Variants in C12orf42 observed in about 807,000 individuals in gnomAD.
The protein encoded by C12orf42 is chromosome 12 open reading frame 42.
C12orf42 carries 25 observed loss-of-function variants against 21.6 expected under a neutral mutation model. That is an observed-to-expected ratio of 1.16 (90% CI 0.84 to 1.62). C12orf42 has a LOEUF of 1.62. Ranked by LOEUF, C12orf42 falls within the 40% of genes most tolerant of loss-of-function variation. C12orf42 has a pLI of 0.00. For synonymous variants in C12orf42, 174 were observed against 175.0 expected, an observed-to-expected ratio of 0.99 and a Z score of 0.05; for missense variants, 483 against 459.3, an observed-to-expected ratio of 1.05 and a Z score of -0.47.
At chr12:103,374,338 G>C (rs2045513819) in intron 3 of C12orf42, among the ~76,000 whole-genome samples, 1 of 152,142 alleles carries the variant, frequency 6.6e-6, no homozygotes, top group Non-Finnish European at 1.5e-5. Flanking sequence ...GCTTGGATTG[G>C]AGTTCAGAAC....
rs577185008 is a variant in C12orf42, at chr12:103,284,511, G to A, written n.338-7301C>T. Among the ~76,000 whole-genome samples, 4 of 152,258 alleles carry A rather than the reference G, an allele frequency of 2.6e-5. No individual in the cohort carries two copies. The East Asian group carries it at 7.7e-4, about 29-fold the overall frequency. Reference sequence around the variant, plus strand: ...AAGTCATCATCAGAGAGTCACTAGGGCCTAGCAATACCCAGACCACAAGAT... The same window carrying A: ...AAGTCATCATCAGAGAGTCACTAGGACCTAGCAATACCCAGACCACAAGAT... On this transcript the variant is annotated intron_variant and non_coding_transcript_variant, in intron 4 of 6. Coordinates refer to the C12orf42 transcript ENST00000546526.
At chr12:103,154,977 T>A in the C12orf42 span, among the ~76,000 whole-genome samples, 3 of 152,162 alleles carry the variant, frequency 2.0e-5, no homozygotes, top group Non-Finnish European at 4.4e-5. Context: ...CTTAGTCCTG[T>A]GTATTATCAG....
intron 3 of C12orf42, among the ~76,000 whole-genome samples, chr12:103,370,310 A>C (rs1479525587): frequency 3.3e-5 from 5 of 152,198 alleles, no homozygotes; most frequent in Admixed American, 6.6e-5. Flanking sequence ...TGTGGAAAGC[A>C]GTATGGCACT....
At chr12:103,424,824 C>T (rs1167169408) in intron 2 of C12orf42, among the ~76,000 whole-genome samples, 1 of 152,144 alleles carries the variant, frequency 6.6e-6, no homozygotes, top group Non-Finnish European at 1.5e-5. Flanking sequence ...GCCTGGAACA[C>T]CAGCGAGACA....
the C12orf42 span, among the ~76,000 whole-genome samples, chr12:103,191,269 T>C: frequency 6.6e-6 from 1 of 151,488 alleles, no homozygotes; most frequent in Non-Finnish European, 1.5e-5. Flanking sequence ...ATACAGTTTT[T>C]CAAATTGAAA....
At chr12:103,498,724 C>T (rs1955637774), upstream of C12orf42, among the ~76,000 whole-genome samples, 1 of 152,112 alleles carries the variant, frequency 6.6e-6, no homozygotes, top group South Asian at 2.1e-4. Flanking sequence ...TTTGCAGGTA[C>T]ATGGATGGAG....
intron 2 of C12orf42, 63 bp from the exon 3 acceptor site, chr12:103,401,738 A>G: frequency 1.3e-6 from 2 of 1,483,656 alleles, no homozygotes; most frequent in South Asian, 2.3e-5. Flanking sequence ...AAACATTTCC[A>G]TTCCTGAGAT....
At chr12:103,362,592 G>T (rs775535268) in intron 4 of C12orf42, among the ~76,000 whole-genome samples, 17 of 151,940 alleles carry the variant, frequency 1.1e-4, no homozygotes, top group Non-Finnish European at 1.9e-4. Flanking sequence ...TAAGGAAATT[G>T]AAAACATGAT....
At chr12:103,048,055 G>T in the C12orf42 span, among the ~76,000 whole-genome samples, 4 of 152,066 alleles carry the variant, frequency 2.6e-5, no homozygotes, top group African/African-American at 9.7e-5. Flanking sequence ...AATAACTAGG[G>T]CAATTTTTAC....
chr12:103,233,728 A>G (rs996439453), downstream of C12orf42, among the ~76,000 whole-genome samples: 1 of 152,146 alleles, frequency 6.6e-6, no homozygotes, highest in Non-Finnish European at 1.5e-5. Context: ...TTGTCCAGGA[A>G]CTTTACAGAT....
intron 5 of C12orf42, among the ~76,000 whole-genome samples, chr12:103,272,998 CA>C (rs1319728071): frequency 1.3e-5 from 2 of 152,166 alleles, no homozygotes; most frequent in African/African-American, 4.8e-5. Flanking sequence ...TCATTTGTTC[CA>C]GTTATTATTT....
At position 103,409,118 on chromosome 12, in the gene C12orf42, A is replaced by T. The variant is rs920127705; in HGVS notation, c.79-7443T>A. Among the ~76,000 whole-genome samples the T allele has an allele frequency of 2.0e-5, 3 of 152,332 alleles. No homozygotes were observed. The South Asian group carries it at 6.2e-4, about 32-fold the overall frequency. Reference sequence around the variant, plus strand: ...GCCAGTCTAGTCAAAAGAAATCACAAATCCTTAACTAACATATGCTAACTT... The same window carrying T: ...GCCAGTCTAGTCAAAAGAAATCACATATCCTTAACTAACATATGCTAACTT... On this transcript the variant is annotated intron_variant, in intron 2 of 5. Transcript: ENST00000548883.
the C12orf42 span, among the ~76,000 whole-genome samples, chr12:103,146,817 A>G: frequency 6.6e-6 from 1 of 152,178 alleles, no homozygotes; most frequent in Non-Finnish European, 1.5e-5. Flanking sequence ...CCCAAAGATT[A>G]TCTACCAATT....
intron 4 of C12orf42, among the ~76,000 whole-genome samples, chr12:103,316,747 G>T (rs553967905): frequency 1.3e-5 from 2 of 151,792 alleles, no homozygotes; most frequent in African/African-American, 4.8e-5. Context: ...CCCCATGAGG[G>T]TAAGTACCAG....
intron 1 of C12orf42, among the ~76,000 whole-genome samples, chr12:103,493,892 A>C (rs896802438): frequency 1.3e-5 from 2 of 152,132 alleles, no homozygotes; most frequent in African/African-American, 2.4e-5. Context: ...CTTACTTCTA[A>C]CTCTTAGATA....
At chr12:103,223,830 G>A in the C12orf42 span, among the ~76,000 whole-genome samples, 1 of 152,218 alleles carries the variant, frequency 6.6e-6, no homozygotes, top group Non-Finnish European at 1.5e-5. Context: ...TCTGAGAAGG[G>A]AAAGTGGTAA....
At chr12:103,254,258 G>A (rs866203512) in intron 10 of C12orf42, among the ~76,000 whole-genome samples, 1 of 152,094 alleles carries the variant, frequency 6.6e-6, no homozygotes, top group Non-Finnish European at 1.5e-5. Flanking sequence ...GCTTGTTTTT[G>A]TCAGGTTAGT....
chr12:103,343,905 A>G (rs1481710601), intron 4 of C12orf42, among the ~76,000 whole-genome samples: 10 of 152,210 alleles, frequency 6.6e-5, no homozygotes, highest in African/African-American at 2.4e-5. Flanking sequence ...GTTTTTCTCC[A>G]GGGCTGTTAG....
chr12:103,470,959 A>G (rs974505230), intron 2 of C12orf42, among the ~76,000 whole-genome samples: 3 of 152,216 alleles, frequency 2.0e-5, no homozygotes, highest in Admixed American at 1.3e-4. Context: ...ATGAAGCAGA[A>G]GCAAGTCATC....
Sources: allele counts gnomAD v4.1 joint callset (sites outside exome capture counted in the v4.1 genomes callset), GRCh38; gene constraint gnomAD v4.1.1; transcripts MANE v1.5; gene names NCBI Gene and HGNC (gene_info 2026-07-23, HGNC 2026-07-21).